TTC39C: variants seen among roughly 807,000 people sequenced by gnomAD.
TTC39C encodes tetratricopeptide repeat protein 39C.
Under a neutral mutation model 76.3 loss-of-function variants are expected in TTC39C, and 33 were observed. The ratio of observed to expected loss-of-function variants is 0.43; its 90% CI spans 0.33 to 0.58. TTC39C has a LOEUF of 0.58. TTC39C is among the 20% of genes least tolerant of loss of function. TTC39C has a pLI of 0.04. For synonymous variants in TTC39C, 254 were observed against 260.6 expected, an observed-to-expected ratio of 0.97 and a Z score of 0.24; for missense variants, 595 against 701.4, an observed-to-expected ratio of 0.85 and a Z score of 1.71.
intron 1 of TTC39C, among the ~76,000 whole-genome samples, chr18:24,058,582 G>A (rs1006548891): frequency 6.6e-6 from 1 of 152,086 alleles, no homozygotes. Context: ...TTGAACCCAG[G>A]AGGCGGAGGC....
intron 1 of TTC39C, among the ~76,000 whole-genome samples, chr18:24,063,668 C>T (rs1008954330): frequency 1.3e-5 from 2 of 152,118 alleles, no homozygotes; most frequent in Admixed American, 6.5e-5. Flanking sequence ...CACCCGCCAC[C>T]ACTTGCTGCT....
At chr18:24,130,455 ATGT>A in intron 12 of TTC39C, 38 bp downstream of exon 12, 2 of 857,452 alleles carry the variant, frequency 2.3e-6, no homozygotes, top group Non-Finnish European at 3.1e-6. Context: ...TATATTTTTA[ATGT>A]TGTTCAACAA....
chr18:24,058,361 A>G (rs1203522919), intron 1 of TTC39C, among the ~76,000 whole-genome samples: 5 of 152,228 alleles, frequency 3.3e-5, no homozygotes, highest in Non-Finnish European at 7.3e-5. Flanking sequence ...AACCACTGTT[A>G]AATTCATTAG....
At chr18:24,062,562 A>G (rs2084113528) in intron 1 of TTC39C, among the ~76,000 whole-genome samples, 1 of 152,210 alleles carries the variant, frequency 6.6e-6, no homozygotes, top group Admixed American at 6.5e-5. Context: ...CGTTTGATCT[A>G]GGTTCATGGG....
At chr18:24,015,226 C>T (rs2083439423) in intron 1 of TTC39C, 188 bp downstream of exon 1, 1 of 515,862 alleles carries the variant, frequency 1.9e-6, no homozygotes, top group Non-Finnish European at 3.2e-6. Context: ...CGTCCACCCC[C>T]TACCCCCGGC....
intron 5 of TTC39C, 136 bp from the exon 6 acceptor site, chr18:24,082,777 A>C: frequency 1.1e-6 from 1 of 883,698 alleles, no homozygotes. Flanking sequence ...AAAGTCTCTG[A>C]TTTTACTTCT....
intron 6 of TTC39C, among the ~76,000 whole-genome samples, chr18:24,092,458 A>G (rs1354280788): frequency 6.6e-6 from 1 of 152,256 alleles, no homozygotes; most frequent in Admixed American, 6.5e-5. Flanking sequence ...TATCCATAAT[A>G]GCCAAAAAGT....
At chr18:24,111,323 C>T (rs991826002) in intron 6 of TTC39C, among the ~76,000 whole-genome samples, 3 of 152,128 alleles carry the variant, frequency 2.0e-5, no homozygotes, top group Non-Finnish European at 4.4e-5. Context: ...GTAATCCCAG[C>T]ACTTTGTGAG....
intron 6 of TTC39C, among the ~76,000 whole-genome samples, chr18:24,112,549 T>G (rs2084829494): frequency 6.6e-6 from 1 of 152,220 alleles, no homozygotes; most frequent in African/African-American, 2.4e-5. Flanking sequence ...TTTCCTTAGA[T>G]TCAAAGCTTT....
intron 10 of TTC39C, 39 bp downstream of exon 10, chr18:24,125,589 A>T: frequency 6.2e-7 from 1 of 1,611,610 alleles, no homozygotes. Flanking sequence ...TCTACTGGAC[A>T]CACTGGCTTC....
intron 8 of TTC39C, among the ~76,000 whole-genome samples, chr18:24,119,358 T>G (rs749436519): frequency 1.1e-4 from 17 of 152,246 alleles, no homozygotes; most frequent in Non-Finnish European, 2.4e-4. Flanking sequence ...GTGGTTCTTT[T>G]ACTTAAAATT....
intron 1 of TTC39C, among the ~76,000 whole-genome samples, chr18:24,038,508 C>T (rs2083757146): frequency 6.6e-6 from 1 of 152,118 alleles, no homozygotes; most frequent in South Asian, 2.1e-4. Flanking sequence ...GTCTTGAACT[C>T]CTGGGCTCAA....
chr18:24,070,420 C>T (rs2084223500), intron 4 of TTC39C, among the ~76,000 whole-genome samples: 1 of 152,160 alleles, frequency 6.6e-6, no homozygotes, highest in South Asian at 2.1e-4. Context: ...ATTTGGAGCG[C>T]ACTGCTGACT....
intron 5 of TTC39C, among the ~76,000 whole-genome samples, chr18:24,082,304 A>G (rs2084387298): frequency 6.6e-6 from 1 of 151,920 alleles, no homozygotes; most frequent in African/African-American, 2.4e-5. Flanking sequence ...CCAGAGAAAG[A>G]GCCCTTTGTC....
intron 6 of TTC39C, among the ~76,000 whole-genome samples, chr18:24,112,715 T>C (rs1413817470): frequency 6.6e-6 from 1 of 152,194 alleles, no homozygotes; most frequent in African/African-American, 2.4e-5. Context: ...TCGGTGGTGA[T>C]GGCCCATCTA....
At chr18:24,045,918 T>TAC (rs2083871591) in intron 1 of TTC39C, among the ~76,000 whole-genome samples, 2 of 33,456 alleles carry the variant, frequency 6.0e-5, no homozygotes, top group African/African-American at 3.0e-4. Context: ...TATATATATA[T>TAC]ATATATATAT....
At chr18:24,092,047 C>T (rs572010725) in intron 6 of TTC39C, among the ~76,000 whole-genome samples, 4 of 125,414 alleles carry the variant, frequency 3.2e-5, no homozygotes, top group Non-Finnish European at 4.7e-5. Flanking sequence ...GAACCAAGAT[C>T]GCATCACTGC....
chr18:24,066,584 C>A (rs2084168461), intron 3 of TTC39C, among the ~76,000 whole-genome samples: 1 of 152,148 alleles, frequency 6.6e-6, no homozygotes, highest in African/African-American at 2.4e-5. Context: ...CCTGATTTTG[C>A]CCTCACCATT....
intron 4 of TTC39C, among the ~76,000 whole-genome samples, chr18:24,077,957 G>A: frequency 6.6e-6 from 1 of 152,116 alleles, no homozygotes; most frequent in East Asian, 1.9e-4. Context: ...TTTAGGAGGG[G>A]AAAAAGTCAT....
Sources: allele counts gnomAD v4.1 joint callset (sites outside exome capture counted in the v4.1 genomes callset), GRCh38; gene constraint gnomAD v4.1.1; transcripts MANE v1.5; gene names NCBI Gene and HGNC (gene_info 2026-07-23, HGNC 2026-07-21).